The following FARP1 variants were observed in gnomAD, a reference collection of about 807,000 sequenced individuals.
FARP1 encodes the protein FERM, ARHGEF and pleckstrin domain-containing protein 1.
In FARP1, 52 loss-of-function variants were observed where a neutral mutation model predicts 128.8. That is an observed-to-expected ratio of 0.40 (90% confidence interval 0.32 to 0.51). FARP1 has a LOEUF of 0.51. FARP1 is among the 20% of genes least tolerant of loss of function. The probability of loss-of-function intolerance (pLI) is 0.45; values close to 1 mark genes in which losing one functional copy is unlikely to be tolerated. For synonymous variants in FARP1, 580 were observed against 551.8 expected, an observed-to-expected ratio of 1.05 and a Z score of -0.72; for missense variants, 1,333 against 1,367.9, an observed-to-expected ratio of 0.97 and a Z score of 0.40.
intron 7 of FARP1, among the ~76,000 whole-genome samples, chr13:98,385,454 G>C (rs1487820533): frequency 1.3e-5 from 2 of 152,180 alleles, no homozygotes; most frequent in Non-Finnish European, 2.9e-5. Context: ...GGAGACTTTT[G>C]GGGTTTTATG....
intron 3 of FARP1, among the ~76,000 whole-genome samples, chr13:98,354,284 C>G (rs1319222588): frequency 1.3e-5 from 2 of 152,096 alleles, no homozygotes; most frequent in African/African-American, 4.8e-5. Flanking sequence ...ATACGTAAAA[C>G]CATATTCTAC....
intron 7 of FARP1, 124 bp from the exon 8 acceptor site, chr13:98,385,543 G>A (rs1594473722): frequency 9.8e-6 from 10 of 1,024,868 alleles, no homozygotes; most frequent in East Asian, 4.9e-5. Context: ...TCATCTGATC[G>A]GGTAGCCCCA....
At chr13:98,232,121 T>A in intron 2 of FARP1, among the ~76,000 whole-genome samples, 1 of 143,944 alleles carries the variant, frequency 6.9e-6, no homozygotes. Flanking sequence ...TGAGCCACCG[T>A]GCCCGGCTTT....
intron 3 of FARP1, among the ~76,000 whole-genome samples, chr13:98,353,929 C>A (rs1464696486): frequency 6.6e-6 from 1 of 152,018 alleles, no homozygotes; most frequent in African/African-American, 2.4e-5. Context: ...ATGAGTCATT[C>A]GAAGCTAATG....
chr13:98,386,937 G>C (rs1241246433), intron 8 of FARP1, among the ~76,000 whole-genome samples: 1 of 152,218 alleles, frequency 6.6e-6, no homozygotes, highest in Admixed American at 6.5e-5. Flanking sequence ...TGTGAGAGCA[G>C]TGTGGTATTC....
In FARP1 at chr13:98,368,162, C is replaced by T; in HGVS notation, c.365C>T (p.Pro122Leu). 6.2e-7 allele frequency: 1 copy of T among 1,614,010 alleles called. No individual in the cohort carries two copies. Among genetic ancestry groups the T allele is most frequent in the Non-Finnish European group, 8.5e-7 (1 of 1,179,930 alleles). ...AAGTTTGTGGTGAAATTCTTTCCGC[C>T]TGACCACACACAACTCCAAGAAGAA... ...VVKFVVKFFP[P>L]DHTQLQEELT... The change falls in exon 5 of 27, where the codon CCT becomes CTT. Residue 122 changes from proline (P) to leucine (L), a missense_variant. Physicochemically the swap from Pro to Leu is moderately conservative, Grantham distance 98. Around this residue, in one of 2 missense-constraint regions of FARP1, gnomAD observed 324 missense variants for 398.1 expected, o/e 0.81. Transcript: ENST00000319562.
intron 15 of FARP1, among the ~76,000 whole-genome samples, chr13:98,411,176 A>G (rs1891177736): frequency 6.6e-6 from 1 of 152,240 alleles, no homozygotes; most frequent in South Asian, 2.1e-4. Flanking sequence ...GGAGGTGAAC[A>G]GGAGATTCAT....
At chr13:98,259,064 A>G (rs1253225247) in intron 2 of FARP1, among the ~76,000 whole-genome samples, 2 of 152,036 alleles carry the variant, frequency 1.3e-5, no homozygotes, top group Non-Finnish European at 2.9e-5. Flanking sequence ...ATAAAAAAAA[A>G]TCTGAGTGTG....
intron 3 of FARP1, among the ~76,000 whole-genome samples, chr13:98,356,300 A>C (rs1482975144): frequency 6.6e-6 from 1 of 152,212 alleles, no homozygotes; most frequent in Non-Finnish European, 1.5e-5. Context: ...GTACTTACAC[A>C]AACAGGTGGT....
chr13:98,409,351 C>T lies in FARP1; in HGVS notation c.1428C>T (p.Gly476=). The stretch of plus-strand genomic sequence containing the variant: ...ATCCCCAAACAGGCTCCCTGACTGG[C>T]AGTCCTCACCTTTCCGAGCTGTCTG... ...PPQPSTGSLT[G]SPHLSELSVN... The change falls in exon 14 of 27, where the codon GGC becomes GGT. Residue 476 remains glycine (G), a synonymous_variant. Coordinates refer to ENST00000319562, the MANE Select transcript of FARP1 (RefSeq NM_005766.4). 7 of 1,607,690 alleles carry T rather than the reference C, an allele frequency of 4.4e-6. No homozygotes were observed. Among genetic ancestry groups the T allele is most frequent in the Non-Finnish European group, 5.1e-6 (6 of 1,175,900 alleles).
At chr13:98,187,713 T>C (rs1878969631) in intron 1 of FARP1, among the ~76,000 whole-genome samples, 1 of 152,170 alleles carries the variant, frequency 6.6e-6, no homozygotes, top group South Asian at 2.1e-4. Context: ...AGTTGCTGGA[T>C]TACCATATGG....
intron 2 of FARP1, chr13:98,328,931 T>C (rs1398756098): frequency 1.3e-5 from 2 of 152,168 alleles, no homozygotes; most frequent in East Asian, 3.8e-4. Context: ...TAAAATTTTC[T>C]ATTTAAAATT....
Position 98,452,738 on chromosome 13 carries a change from A to G in FARP1, c.*4421A>G. ...GGTTTCCGTAAAAATGACATTATAT[A>G]CAAATCTGTACACCCATCCACCAGA... is the stretch of plus-strand genomic sequence containing the variant. On this transcript the variant is annotated 3_prime_UTR_variant, in exon 27 of 27. Coordinates refer to ENST00000319562, the MANE Select transcript of FARP1 (RefSeq NM_005766.4). The G allele has an allele frequency of 6.2e-6, 1 of 161,746 alleles. No individual in the cohort carries two copies. Among genetic ancestry groups the G allele is most frequent in the East Asian group, 1.8e-4 (1 of 5,478 alleles). The allele number at this position is 161,746 out of a possible 1,614,324, so 10.0% of individuals were successfully genotyped here. A position where few individuals can be genotyped will look rare whatever the true frequency, so the allele number is the denominator to read the frequency against.
chr13:98,446,956 C>G (rs1468374953), intron 26 of FARP1, 139 bp downstream of exon 26: 1 of 851,038 alleles, frequency 1.2e-6, no homozygotes, highest in African/African-American at 1.7e-5. Flanking sequence ...GGTCCCACTG[C>G]CCGACACCAG....
intron 2 of FARP1, among the ~76,000 whole-genome samples, chr13:98,255,284 G>T (rs1191960243): frequency 4.6e-5 from 7 of 152,166 alleles, no homozygotes; most frequent in Non-Finnish European, 1.0e-4. Flanking sequence ...CGGATCACAA[G>T]GTCAGGAGAT....
intron 2 of FARP1, among the ~76,000 whole-genome samples, chr13:98,336,363 G>A (rs1887743262): frequency 6.6e-6 from 1 of 152,108 alleles, no homozygotes; most frequent in South Asian, 2.1e-4. Context: ...GAACCCGGGA[G>A]GGTTCAAGCA....
At position 98,365,428 on chromosome 13, in the gene FARP1, C is replaced by G; in HGVS notation, c.310C>G (p.Gln104Glu). 6.2e-7 allele frequency: 1 copy of G among 1,608,424 alleles called. No individual in the cohort carries two copies. The highest frequency in any genetic ancestry group is 8.5e-7 in the Non-Finnish European group (1 of 1,175,060). ...GGATCTCCTAAAACCCATTGTGAAACAGATTAGAAGTGAGTATATACCATA... is the reference window on the plus strand; with the variant it reads ...GGATCTCCTAAAACCCATTGTGAAAGAGATTAGAAGTGAGTATATACCATA... Reference protein sequence around the residue: ...WLDLLKPIVKQIRRPKHVVVK... With the variant: ...WLDLLKPIVKEIRRPKHVVVK... Residue 104 changes from glutamine (Q) to glutamate (E), a missense_variant, in exon 4 of 27, where the codon CAG becomes GAG. Around this residue, in one of 2 missense-constraint regions of FARP1, gnomAD observed 324 missense variants for 398.1 expected, o/e 0.81. Transcript: ENST00000319562.
At chr13:98,212,571 T>C (rs1880790222) in intron 1 of FARP1, among the ~76,000 whole-genome samples, 1 of 148,190 alleles carries the variant, frequency 6.7e-6, no homozygotes, top group South Asian at 2.2e-4. Context: ...CTGTTGATAG[T>C]ATAGTATAGT....
intron 1 of FARP1, among the ~76,000 whole-genome samples, chr13:98,205,262 T>C (rs555259058): frequency 6.6e-6 from 1 of 152,330 alleles, no homozygotes; most frequent in Non-Finnish European, 1.5e-5. Context: ...CAAGTATCTT[T>C]AATTTCTAAA....
Sources: allele counts gnomAD v4.1 joint callset (sites outside exome capture counted in the v4.1 genomes callset), GRCh38; gene constraint gnomAD v4.1.1; regional missense constraint gnomAD v4.1.1; transcripts MANE v1.5; gene names NCBI Gene and HGNC (gene_info 2026-07-23, HGNC 2026-07-21).